Variants in PCDHGB1 observed in about 807,000 individuals in gnomAD.
PCDHGB1 encodes the protein protocadherin gamma subfamily B, 1, also known as protocadherin gamma-B1.
In PCDHGB1, 34 loss-of-function variants were observed where a neutral mutation model predicts 56.6. The ratio of observed to expected loss-of-function variants is 0.60; its 90% CI spans 0.46 to 0.80. PCDHGB1 has a LOEUF of 0.80. Ranked by LOEUF, PCDHGB1 falls within the 30% of genes least tolerant of loss-of-function variation. The pLI is 0.00. For synonymous variants in PCDHGB1, 561 were observed against 505.9 expected (o/e 1.11, Z -1.46); for missense variants, 1,278 against 1,204.6 (o/e 1.06, Z -0.90).
intron 2 of PCDHGB1, among the ~76,000 whole-genome samples, chr5:141,499,528 G>T (rs961802549): frequency 1.3e-5 from 2 of 152,142 alleles, no homozygotes; most frequent in African/African-American, 2.4e-5. Context: ...AAAGTAGAGA[G>T]AATGGTGTCA....
chr5:141,409,173 G>T (rs1235074997), intron 1 of PCDHGB1: 3 of 1,614,028 alleles, frequency 1.9e-6, no homozygotes. Flanking sequence ...GCGAAGGACG[G>T]AGGTGGTCTC....
At chr5:141,471,046 C>CTTT (rs1170588345) in intron 1 of PCDHGB1, among the ~76,000 whole-genome samples, 3 of 113,252 alleles carry the variant, frequency 2.6e-5, no homozygotes, top group Non-Finnish European at 5.4e-5. Context: ...CCCAAGCCCT[C>CTTT]TTTTTTTTTT....
intron 1 of PCDHGB1, chr5:141,357,300 C>G (rs112089502): frequency 2.5e-6 from 4 of 1,614,080 alleles, no homozygotes; most frequent in African/African-American, 2.7e-5. Flanking sequence ...TGGCCGCTGT[C>G]TCCTGCGTCT....
intron 1 of PCDHGB1, among the ~76,000 whole-genome samples, chr5:141,407,044 A>G (rs972892343): frequency 6.6e-6 from 1 of 152,246 alleles, no homozygotes; most frequent in African/African-American, 2.4e-5. Flanking sequence ...TGTGATCCAT[A>G]GATACACTGA....
intron 1 of PCDHGB1, chr5:141,392,736 C>T: frequency 2.8e-6 from 4 of 1,429,672 alleles, no homozygotes; most frequent in Non-Finnish European, 3.7e-6. Context: ...TTGTCATCTC[C>T]ATAGCTGCGG....
At chr5:141,456,788 C>A (rs2098888156) in intron 1 of PCDHGB1, among the ~76,000 whole-genome samples, 1 of 152,088 alleles carries the variant, frequency 6.6e-6, no homozygotes, top group Admixed American at 6.5e-5. Flanking sequence ...CATGGCAAAA[C>A]CCCATCTCTA....
intron 1 of PCDHGB1, among the ~76,000 whole-genome samples, chr5:141,425,691 T>C (rs1411905655): frequency 6.6e-6 from 1 of 152,238 alleles, no homozygotes. Context: ...TGCATATCAT[T>C]TCATAGTGGT....
At chr5:141,474,652 T>C (rs962582027) in intron 1 of PCDHGB1, among the ~76,000 whole-genome samples, 1 of 152,206 alleles carries the variant, frequency 6.6e-6, no homozygotes, top group African/African-American at 2.4e-5. Context: ...TCCTTACTTC[T>C]TTTCTACCTA....
intron 1 of PCDHGB1, among the ~76,000 whole-genome samples, chr5:141,466,815 A>G (rs1019952491): frequency 1.3e-5 from 2 of 152,182 alleles, no homozygotes; most frequent in Non-Finnish European, 2.9e-5. Flanking sequence ...CAGACATGGT[A>G]TAACAAGTTA....
intron 1 of PCDHGB1, chr5:141,413,386 GTC>G: frequency 6.2e-7 from 1 of 1,614,002 alleles, no homozygotes; most frequent in Non-Finnish European, 8.5e-7. Context: ...AGTCCGCATA[GTC>G]TCCAGAGGTA....
chr5:141,485,314 T>G lies in PCDHGB1; in HGVS notation c.2410-9493T>G. Reference sequence around the variant, plus strand: ...CACAGGAAGGGACTTTTGTAGGGAATGTCGCTCAAGATTTCCTGCTGGATA... The same window carrying G: ...CACAGGAAGGGACTTTTGTAGGGAAGGTCGCTCAAGATTTCCTGCTGGATA... On this transcript the variant is annotated intron_variant, in intron 1 of 3. Coordinates refer to ENST00000523390, the MANE Select transcript of PCDHGB1 (RefSeq NM_018922.3). This position sits in a 1 kb window ranked among gnomAD's most constrained non-coding sequence, Gnocchi z 5.7. 1 of 1,614,150 alleles carries G rather than the reference T, an allele frequency of 6.2e-7. No individual in the cohort carries two copies. The highest frequency in any genetic ancestry group is 8.5e-7 in the Non-Finnish European group (1 of 1,180,032).
chr5:141,433,460 T>C (rs892333304), intron 1 of PCDHGB1, among the ~76,000 whole-genome samples: 1 of 152,064 alleles, frequency 6.6e-6, no homozygotes, highest in Non-Finnish European at 1.5e-5. Context: ...GATCTGAAAC[T>C]TGGGCTCAGG....
At position 141,486,141 on chromosome 5, in the gene PCDHGB1, G is replaced by A. The variant is rs369317501; in HGVS notation, c.2410-8666G>A. 28 of 1,614,066 alleles carry A rather than the reference G, an allele frequency of 1.7e-5. No homozygotes were observed. The highest frequency in any genetic ancestry group is 2.3e-5 in the Non-Finnish European group (27 of 1,180,044). On this transcript the variant is annotated intron_variant, in intron 1 of 3. Transcript: ENST00000523390. This position sits in a 1 kb window ranked among gnomAD's most constrained non-coding sequence, Gnocchi z 5.0. ...TACTATGAATTTGATGTGCGGGCTC[G>A]CGATGGGGGTTCTCCAGCCATGGAG...
intron 1 of PCDHGB1, among the ~76,000 whole-genome samples, chr5:141,443,594 T>C (rs1040469046): frequency 1.3e-5 from 2 of 152,234 alleles, no homozygotes; most frequent in Non-Finnish European, 2.9e-5. Flanking sequence ...CAGAATGTGG[T>C]ATATGAAATG....
intron 1 of PCDHGB1, chr5:141,374,742 C>T (rs1382250910): frequency 8.7e-6 from 14 of 1,611,846 alleles, no homozygotes; most frequent in African/African-American, 1.3e-5. Flanking sequence ...GGCGGCGACC[C>T]TGTCCGCTCA....
intron 1 of PCDHGB1, among the ~76,000 whole-genome samples, chr5:141,483,648 T>TTGTGTGTG (rs111458813): frequency 0.019 from 2,886 of 149,692 alleles, 51 homozygotes; most frequent in African/African-American, 0.054. Flanking sequence ...GGGTGTGTGT[T>TTGTGTGTG]TGTGTGTGTG....
At chr5:141,355,575 T>C in intron 1 of PCDHGB1, 1 of 1,614,004 alleles carries the variant, frequency 6.2e-7, no homozygotes, top group East Asian at 2.2e-5. Flanking sequence ...AAATAATCGA[T>C]GTTAATGATA....
Position 141,485,814 on chromosome 5 carries a change from C to T in PCDHGB1, c.2410-8993C>T, listed in dbSNP as rs2099619616. 7.4e-6 allele frequency: 12 copies of T among 1,613,982 alleles called. No individual in the cohort carries two copies. The East Asian group carries it at 2.2e-4, about 30-fold the overall frequency. On this transcript the variant is annotated intron_variant, in intron 1 of 3. Coordinates refer to ENST00000523390, the MANE Select transcript of PCDHGB1 (RefSeq NM_018922.3). This position sits in a 1 kb window ranked among gnomAD's most constrained non-coding sequence, Gnocchi z 5.7. ...TCGGACTACCGCCTGGTGCTGACTG[C>T]TGTCGATGGAGGGAACCCGCCGAGA...
chr5:141,393,041 T>G, intron 1 of PCDHGB1: 2 of 1,613,702 alleles, frequency 1.2e-6, no homozygotes, highest in Non-Finnish European at 1.7e-6. Flanking sequence ...AGCTCTTTGC[T>G]CTGAACCCGC....
Sources: gnomAD v4.1 joint callset for allele counts (sites outside exome capture counted in the v4.1 genomes callset) on GRCh38, gnomAD v4.1.1 for gene constraint, Gnocchi (gnomAD v3.1) non-coding constraint, MANE v1.5 for transcripts, NCBI Gene and HGNC (gene_info 2026-07-23, HGNC 2026-07-21) for gene names.